The following COMMD1 variants were observed in gnomAD, a reference collection of about 807,000 sequenced individuals.
The protein encoded by COMMD1 is COMM domain-containing protein 1.
COMMD1 carries 10 observed loss-of-function variants against 17.2 expected under a neutral mutation model. The observed-to-expected ratio is 0.58, with a 90% confidence interval of 0.36 to 0.99. The LOEUF is 0.99. Among genes scored for constraint, COMMD1 ranks in the 50% least tolerant of loss-of-function variants. The pLI, the probability that COMMD1 is intolerant of heterozygous loss-of-function variation, is 0.01. For missense variants in COMMD1, 270 were observed against 231.8 expected, an observed-to-expected ratio of 1.17 and a Z score of -1.07; for synonymous variants, 97 against 91.6, an observed-to-expected ratio of 1.06 and a Z score of -0.34.
chr2:61,975,811 T>C (rs1163748701), intron 1 of COMMD1, among the ~76,000 whole-genome samples: 1 of 152,212 alleles, frequency 6.6e-6, no homozygotes, highest in Non-Finnish European at 1.5e-5. Flanking sequence ...TAGTTTAATT[T>C]CATTGAGGTC....
chr2:61,911,245 T>C (rs1572953078), intron 1 of COMMD1, among the ~76,000 whole-genome samples: 1 of 151,670 alleles, frequency 6.6e-6, no homozygotes, highest in Non-Finnish European at 1.5e-5. Flanking sequence ...GAGGCCAGGG[T>C]GGGCGGATCA....
At chr2:62,011,291 G>A (rs1316450654) in intron 2 of COMMD1, among the ~76,000 whole-genome samples, 2 of 152,172 alleles carry the variant, frequency 1.3e-5, no homozygotes, top group Non-Finnish European at 2.9e-5. Context: ...ACATGTCTGT[G>A]AAAACACCAG....
intron 1 of COMMD1, among the ~76,000 whole-genome samples, chr2:61,979,897 C>G (rs981309443): frequency 2.6e-5 from 3 of 117,094 alleles, no homozygotes; most frequent in Non-Finnish European, 3.5e-5. Flanking sequence ...ATCCCTCCCC[C>G]CTCCCCCGAC....
chr2:62,117,416 G>C (rs1192936216), intron 2 of COMMD1, among the ~76,000 whole-genome samples: 1 of 152,214 alleles, frequency 6.6e-6, no homozygotes, highest in Non-Finnish European at 1.5e-5. Context: ...TGGGTAATTA[G>C]TGCCTATTAA....
intron 1 of COMMD1, among the ~76,000 whole-genome samples, chr2:61,907,966 G>A (rs1380780293): frequency 6.6e-6 from 1 of 152,238 alleles, no homozygotes; most frequent in East Asian, 1.9e-4. Context: ...GGGATTACAG[G>A]TGTGAGCCAC....
At chr2:61,944,447 T>C (rs1670852153) in intron 1 of COMMD1, among the ~76,000 whole-genome samples, 1 of 151,312 alleles carries the variant, frequency 6.6e-6, no homozygotes, top group African/African-American at 2.4e-5. Context: ...CAAGACTCTG[T>C]CTCAAAAAAA....
Position 61,970,989 on chromosome 2 carries a change from C to T in COMMD1, c.181-29712C>T, listed in dbSNP as rs113206421. On this transcript the variant is annotated intron_variant, in intron 1 of 2. Coordinates refer to ENST00000311832, the MANE Select transcript of COMMD1 (RefSeq NM_152516.4). ...GTGGTGCGATCACTGCTCACTGTGG[C>T]CCCCTGTCTCCTGGGCTCAAGCAAT... Among the ~76,000 whole-genome samples the T allele has an allele frequency of 2.0e-3, 307 of 152,256 alleles. 2 individuals carry two copies. The highest frequency in any genetic ancestry group is 7.0e-3 in the African/African-American group (292 of 41,544).
intron 1 of COMMD1, among the ~76,000 whole-genome samples, chr2:61,927,638 T>C (rs1204060101): frequency 6.6e-6 from 1 of 152,034 alleles, no homozygotes; most frequent in Non-Finnish European, 1.5e-5. Flanking sequence ...GACCTCGTGA[T>C]CCACCTGCCT....
intron 2 of COMMD1, among the ~76,000 whole-genome samples, chr2:62,050,101 A>C (rs963379483): frequency 2.6e-5 from 4 of 152,196 alleles, no homozygotes; most frequent in African/African-American, 9.7e-5. Context: ...TGGGAATCTT[A>C]ATTAAAATAT....
intron 1 of COMMD1, among the ~76,000 whole-genome samples, chr2:61,989,943 T>G (rs1672202891): frequency 6.6e-6 from 1 of 152,156 alleles, no homozygotes; most frequent in South Asian, 2.1e-4. Context: ...ATACCACTAG[T>G]TTACTAGGCA....
At chr2:61,919,302 G>T (rs1304290888) in intron 1 of COMMD1, among the ~76,000 whole-genome samples, 1 of 152,010 alleles carries the variant, frequency 6.6e-6, no homozygotes, top group African/African-American at 2.4e-5. Flanking sequence ...GGGAGCCACC[G>T]TGCCTGGGCT....
chr2:62,123,463 C>T lies in COMMD1; in HGVS notation c.463-12368C>T, dbSNP rs1672802187. ...GAGGGTGTAGTGAGCCAAGATTGCA[C>T]CACTGCACTCCAGCCTGGGCAACAA... On this transcript the variant is annotated intron_variant, in intron 2 of 2. Coordinates refer to ENST00000311832, the MANE Select transcript of COMMD1 (RefSeq NM_152516.4). 2.7e-5 allele frequency among the ~76,000 whole-genome samples: 4 copies of T among 147,156 alleles called. No individual in the cohort carries two copies. The Admixed American group carries it at 2.7e-4, about 10-fold the overall frequency.
chr2:62,121,857 T>C (rs1315461931), intron 2 of COMMD1, among the ~76,000 whole-genome samples: 1 of 152,074 alleles, frequency 6.6e-6, no homozygotes, highest in Non-Finnish European at 1.5e-5. Flanking sequence ...AGTGGCACAA[T>C]CACAGCTCAC....
intron 2 of COMMD1, among the ~76,000 whole-genome samples, chr2:62,103,128 G>T (rs1299876864): frequency 6.6e-6 from 1 of 152,074 alleles, no homozygotes; most frequent in Non-Finnish European, 1.5e-5. Flanking sequence ...ACAGGTGCCT[G>T]CAACCACGCC....
At chr2:61,989,968 C>T (rs1672204116) in intron 1 of COMMD1, among the ~76,000 whole-genome samples, 2 of 152,132 alleles carry the variant, frequency 1.3e-5, no homozygotes, top group East Asian at 1.9e-4. Flanking sequence ...AGAAAGACCC[C>T]CGTCCCAGAT....
intron 2 of COMMD1, among the ~76,000 whole-genome samples, chr2:62,014,986 A>G (rs1669396801): frequency 6.6e-6 from 1 of 152,142 alleles, no homozygotes; most frequent in Non-Finnish European, 1.5e-5. Context: ...GTACAGTGGC[A>G]TGATCATAGC....
intron 1 of COMMD1, chr2:61,918,535 T>C (rs1353614053): frequency 6.6e-6 from 1 of 152,212 alleles, no homozygotes; most frequent in Non-Finnish European, 1.5e-5. Context: ...GCAAAACCCA[T>C]TCAATTAATC....
chr2:61,919,305 C>A (rs1423519678), intron 1 of COMMD1, among the ~76,000 whole-genome samples: 1 of 152,074 alleles, frequency 6.6e-6, no homozygotes, highest in Non-Finnish European at 1.5e-5. Flanking sequence ...AGCCACCGTG[C>A]CTGGGCTCGG....
intron 2 of COMMD1, among the ~76,000 whole-genome samples, chr2:62,131,108 T>C (rs1234918713): frequency 2.0e-5 from 3 of 152,214 alleles, no homozygotes; most frequent in African/African-American, 4.8e-5. Flanking sequence ...GATTTTGTCA[T>C]AGGATTTTGT....
Sources: gnomAD v4.1 joint callset for allele counts (sites outside exome capture counted in the v4.1 genomes callset) on GRCh38, gnomAD v4.1.1 for gene constraint, MANE v1.5 for transcripts, NCBI Gene and HGNC (gene_info 2026-07-23, HGNC 2026-07-21) for gene names.